The following TSNARE1 variants were observed in gnomAD, a reference collection of about 807,000 sequenced individuals.
TSNARE1 encodes t-SNARE domain-containing protein 1.
In TSNARE1, 49 loss-of-function variants were observed where a neutral mutation model predicts 62.0. The observed-to-expected ratio is 0.79, with a 90% confidence interval of 0.63 to 1.00. TSNARE1 has a LOEUF of 1.00. Among genes scored for constraint, TSNARE1 ranks in the 50% least tolerant of loss-of-function variants. The probability of loss-of-function intolerance (pLI) is 0.00; values close to 1 mark genes in which losing one functional copy is unlikely to be tolerated. For missense variants in TSNARE1, 755 were observed against 700.1 expected (o/e 1.08, Z -0.88); for synonymous variants, 328 against 294.4 (o/e 1.11, Z -1.17).
rs1400963081 is a variant in TSNARE1, at chr8:142,311,096, T to C, written c.1131+3288A>G. Among the ~76,000 whole-genome samples the C allele has an allele frequency of 4.0e-5, 6 of 151,510 alleles. No homozygotes were observed. The East Asian group carries it at 9.8e-4, about 25-fold the overall frequency. ...AACTCCTGACCTCAAGTGATCCACCTGCCTCGGCCTCCCAAAGTGCTGGGA... is the reference window on the plus strand; with the variant it reads ...AACTCCTGACCTCAAGTGATCCACCCGCCTCGGCCTCCCAAAGTGCTGGGA... On this transcript the variant is annotated intron_variant, in intron 9 of 13. Transcript: ENST00000524325.
intron 9 of TSNARE1, among the ~76,000 whole-genome samples, chr8:142,314,059 G>A (rs1472548001): frequency 1.3e-5 from 2 of 152,238 alleles, no homozygotes; most frequent in Admixed American, 6.5e-5. Context: ...GACTCCAGGC[G>A]TGAGCCACCG....
chr8:142,381,475 C>T (rs918728547), intron 1 of TSNARE1, among the ~76,000 whole-genome samples: 1 of 152,108 alleles, frequency 6.6e-6, no homozygotes, highest in Non-Finnish European at 1.5e-5. Context: ...AGCGCCCCCC[C>T]CCACCCCACC....
intron 12 of TSNARE1, chr8:142,273,232 C>T (rs1181217820): frequency 4.1e-6 from 4 of 985,296 alleles, no homozygotes; most frequent in Admixed American, 6.1e-5. Flanking sequence ...GTCCTCCTGC[C>T]GTCCCAGGCA....
At chr8:142,221,785 TCATCCACTCATTCACTCACTCATCCAC>T (rs1563753981) in intron 13 of TSNARE1, among the ~76,000 whole-genome samples, 3 of 137,374 alleles carry the variant, frequency 2.2e-5, no homozygotes. Context: ...ATTCACTCAC[TCATCCACTCATTCACTCACTCATCCAC>T]TCACTCATTC....
chr8:142,257,142 G>A (rs745837450), intron 12 of TSNARE1, among the ~76,000 whole-genome samples: 8 of 152,118 alleles, frequency 5.3e-5, no homozygotes, highest in East Asian at 1.9e-4. Flanking sequence ...ACCTCTCTCC[G>A]AGGGAGGCAA....
chr8:142,345,533 A>G (rs576582244), intron 3 of TSNARE1, among the ~76,000 whole-genome samples: 20 of 152,164 alleles, frequency 1.3e-4, no homozygotes, highest in Non-Finnish European at 5.9e-5. Context: ...TGGCCACCAC[A>G]CAGCTTCCAT....
chr8:142,354,161 C>T (rs1321499048), intron 2 of TSNARE1, among the ~76,000 whole-genome samples: 2 of 152,132 alleles, frequency 1.3e-5, no homozygotes, highest in African/African-American at 4.8e-5. Context: ...AGCAGCGGCT[C>T]GACGCTCTGA....
intron 3 of TSNARE1, among the ~76,000 whole-genome samples, chr8:142,345,376 C>G (rs1833214512): frequency 6.6e-6 from 1 of 152,180 alleles, no homozygotes; most frequent in Non-Finnish European, 1.5e-5. Flanking sequence ...CTGTTCCTCC[C>G]CAAACCACAG....
At chr8:142,254,651 C>T (rs868773216) in intron 12 of TSNARE1, among the ~76,000 whole-genome samples, 63 of 152,228 alleles carry the variant, frequency 4.1e-4, no homozygotes, top group Middle Eastern at 3.4e-3. Flanking sequence ...AGAGGTGTTC[C>T]GGCATATGGG....
chr8:142,368,612 G>A (rs1835721787), intron 1 of TSNARE1, among the ~76,000 whole-genome samples: 2 of 152,172 alleles, frequency 1.3e-5, no homozygotes. Flanking sequence ...CAGACAAGAA[G>A]AATGAAGCCA....
At chr8:142,290,601 G>C (rs1823590791) in intron 10 of TSNARE1, among the ~76,000 whole-genome samples, 2 of 152,162 alleles carry the variant, frequency 1.3e-5, no homozygotes, top group Non-Finnish European at 2.9e-5. Flanking sequence ...TAGGATCTTG[G>C]CAACCATCCA....
intron 1 of TSNARE1, among the ~76,000 whole-genome samples, chr8:142,361,825 G>A (rs1285128811): frequency 3.3e-5 from 5 of 152,194 alleles, no homozygotes; most frequent in East Asian, 1.9e-4. Context: ...GGGAGCAGAG[G>A]CCTAGATCAG....
chr8:142,379,457 A>G (rs923245213), intron 1 of TSNARE1, among the ~76,000 whole-genome samples: 1 of 152,238 alleles, frequency 6.6e-6, no homozygotes, highest in Non-Finnish European at 1.5e-5. Context: ...GGGAAAAGGG[A>G]GAGTGGTTTC....
chr8:142,261,759 G>A lies in TSNARE1; in HGVS notation c.1446+13022C>T, dbSNP rs905694869. On this transcript the variant is annotated intron_variant, in intron 12 of 13. Transcript: ENST00000524325. ...CGAGCTCCGACAAGGCAGCTCACGG[G>A]CATAGAGGGGTCTGAGGCTGCCCTC... is the stretch of plus-strand genomic sequence containing the variant. 2.6e-5 allele frequency among the ~76,000 whole-genome samples: 4 copies of A among 152,152 alleles called. No individual in the cohort carries two copies. The South Asian group carries it at 6.2e-4, about 24-fold the overall frequency.
chr8:142,311,432 G>C (rs1342137215), intron 9 of TSNARE1, among the ~76,000 whole-genome samples: 1 of 151,360 alleles, frequency 6.6e-6, no homozygotes, highest in South Asian at 2.1e-4. Flanking sequence ...CGAGTAGGTG[G>C]AATTACAGGC....
intron 12 of TSNARE1, among the ~76,000 whole-genome samples, chr8:142,246,202 A>G (rs1817878288): frequency 6.6e-6 from 1 of 152,136 alleles, no homozygotes; most frequent in African/African-American, 2.4e-5. Flanking sequence ...CTGGGAGGGC[A>G]GAGCAGCACC....
intron 1 of TSNARE1, among the ~76,000 whole-genome samples, chr8:142,388,515 A>G (rs560900477): frequency 0.022 from 3,301 of 149,700 alleles, 47 homozygotes; most frequent in East Asian, 0.045. Flanking sequence ...AAAAAAAAAA[A>G]AAGAAGAAAT....
At chr8:142,353,029 TTCCCTGGCCC>T in intron 2 of TSNARE1, among the ~76,000 whole-genome samples, 17 of 152,242 alleles carry the variant, frequency 1.1e-4, no homozygotes, top group African/African-American at 4.1e-4. Context: ...CCCTGCAGGC[TTCCCTGGCCC>T]ATGGAAGGAA....
intron 10 of TSNARE1, among the ~76,000 whole-genome samples, chr8:142,296,945 G>A (rs1389753106): frequency 2.0e-5 from 3 of 152,164 alleles, no homozygotes; most frequent in African/African-American, 4.8e-5. Flanking sequence ...CCAGCCTCAT[G>A]GCACCCCCTG....
Sources: gnomAD v4.1 joint callset for allele counts (sites outside exome capture counted in the v4.1 genomes callset) on GRCh38, gnomAD v4.1.1 for gene constraint, MANE v1.5 for transcripts, NCBI Gene and HGNC (gene_info 2026-07-23, HGNC 2026-07-21) for gene names.